EBF3: variants seen among roughly 807,000 people sequenced by gnomAD.
EBF3 encodes the protein transcription factor COE3.
In EBF3, 18 loss-of-function variants were observed where a neutral mutation model predicts 77.1. The ratio of observed to expected loss-of-function variants is 0.23; its 90% CI spans 0.16 to 0.35. The LOEUF is 0.35. Ranked by LOEUF, EBF3 falls within the 10% of genes least tolerant of loss-of-function variation. The pLI is 1.00. For synonymous variants in EBF3, 350 were observed against 343.5 expected (o/e 1.02, Z -0.21); for missense variants, 558 against 860.0 (o/e 0.65, Z 4.39).
intron 7 of EBF3, 87 bp downstream of exon 7, chr10:129,877,681 T>G: frequency 8.7e-7 from 1 of 1,149,512 alleles, no homozygotes; most frequent in Non-Finnish European, 1.3e-6. Context: ...AACTCAAGAT[T>G]ACTTCCTGAA....
intron 3 of EBF3, 120 bp from the exon 4 acceptor site, chr10:129,962,346 G>C (rs1348158941): frequency 7.1e-6 from 6 of 849,650 alleles, no homozygotes; most frequent in East Asian, 2.5e-5. Context: ...GCAGAACTTA[G>C]GCAATCCCTT....
intron 6 of EBF3, among the ~76,000 whole-genome samples, chr10:129,914,806 C>A (rs139476649): frequency 6.6e-5 from 10 of 152,304 alleles, no homozygotes; most frequent in African/African-American, 1.2e-4. Flanking sequence ...AGGCCCCCCA[C>A]CTTCTCCCTG....
chr10:129,928,809 G>A (rs1170748435), intron 6 of EBF3, among the ~76,000 whole-genome samples: 5 of 152,210 alleles, frequency 3.3e-5, no homozygotes, highest in African/African-American at 4.8e-5. Flanking sequence ...GATGAGCACT[G>A]CAATAATCAC....
intron 6 of EBF3, among the ~76,000 whole-genome samples, chr10:129,903,412 C>T (rs1030961448): frequency 2.6e-5 from 4 of 152,202 alleles, no homozygotes; most frequent in Admixed American, 2.0e-4. Flanking sequence ...TCTACCTGCT[C>T]TTTTTACCCA....
At chr10:129,878,682 A>AAAAAG (rs1180256397) in intron 6 of EBF3, among the ~76,000 whole-genome samples, 92 of 150,612 alleles carry the variant, frequency 6.1e-4, no homozygotes, top group Non-Finnish European at 1.0e-3. Flanking sequence ...AAAAAAAAAA[A>AAAAAG]AGAGTTACAG....
At chr10:129,876,659 T>TCATTCTG (rs1852791258) in intron 7 of EBF3, among the ~76,000 whole-genome samples, 1 of 152,224 alleles carries the variant, frequency 6.6e-6, no homozygotes, top group Admixed American at 6.5e-5. Flanking sequence ...CAAACAGGAA[T>TCATTCTG]CATTCTGCTC....
intron 10 of EBF3, among the ~76,000 whole-genome samples, chr10:129,855,488 G>A (rs892139335): frequency 2.0e-5 from 3 of 152,330 alleles, no homozygotes; most frequent in South Asian, 2.1e-4. Context: ...CCTGCAGCTC[G>A]GAAAACTAAG....
At chr10:129,948,938 T>C (rs1364584231) in intron 6 of EBF3, among the ~76,000 whole-genome samples, 1 of 152,180 alleles carries the variant, frequency 6.6e-6, no homozygotes, top group Non-Finnish European at 1.5e-5. Context: ...AAAGGACACC[T>C]GCATTAATCT....
intron 6 of EBF3, among the ~76,000 whole-genome samples, chr10:129,920,799 G>C (rs940956153): frequency 2.0e-5 from 3 of 152,344 alleles, no homozygotes; most frequent in Admixed American, 6.5e-5. Flanking sequence ...ATGATGGCTG[G>C]TGGTGCCCAG....
Position 129,877,653 on chromosome 10 carries a change from GC to G in EBF3, c.636+114del, listed in dbSNP as rs568021892. On this transcript the variant is annotated intron_variant, in intron 7 of 16. Transcript: ENST00000440978. ...TTATCAAATGCACCAATTCCAGTTT[GC>G]TTCCAAGCCCTTAAAGAACTCAAGA... is the stretch of plus-strand genomic sequence containing the variant. The G allele has an allele frequency of 4.1e-4, 323 of 784,288 alleles. 1 individual carries two copies. Among genetic ancestry groups the G allele is most frequent in the Non-Finnish European group, 6.0e-4 (288 of 477,798 alleles). 48.6% of individuals were successfully genotyped at this position (784,288 alleles called of 1,614,324 possible). A position where few individuals can be genotyped will look rare whatever the true frequency, so the allele number is the denominator to read the frequency against.
At chr10:129,940,823 C>T (rs1175441535) in intron 6 of EBF3, among the ~76,000 whole-genome samples, 1 of 152,150 alleles carries the variant, frequency 6.6e-6, no homozygotes, top group African/African-American at 2.4e-5. Flanking sequence ...GCAGAGGGCA[C>T]CGCCCACCCC....
chr10:129,906,404 C>T (rs1052769453), intron 6 of EBF3, among the ~76,000 whole-genome samples: 2 of 152,202 alleles, frequency 1.3e-5, no homozygotes, highest in Non-Finnish European at 2.9e-5. Context: ...CATTAAACTG[C>T]TGCAGATTCC....
intron 6 of EBF3, among the ~76,000 whole-genome samples, chr10:129,929,376 T>C (rs575222274): frequency 6.6e-6 from 1 of 152,070 alleles, no homozygotes; most frequent in African/African-American, 2.4e-5. Flanking sequence ...CAGGTAATTT[T>C]TGTAATTTTT....
rs370325840 is a variant in EBF3 at position 129,957,375 on chromosome 10, A to G, written c.486-49T>C. The G allele has an allele frequency of 3.2e-5, 46 of 1,449,608 alleles. No homozygotes were observed. The African/African-American group carries it at 6.4e-4, about 20-fold the overall frequency. 89.8% of individuals were successfully genotyped at this position (1,449,608 alleles called of 1,614,324 possible). On this transcript the variant is annotated intron_variant, in intron 5 of 16. Coordinates refer to ENST00000440978, the MANE Select transcript of EBF3 (RefSeq NM_001375380.1). Reference sequence around the variant, plus strand: ...GTTTTAATATGCATTTCCCCCTTTTATGCCCGACTTGTATTTTTTTTTTTT... The same window carrying G: ...GTTTTAATATGCATTTCCCCCTTTTGTGCCCGACTTGTATTTTTTTTTTTT...
intron 10 of EBF3, among the ~76,000 whole-genome samples, chr10:129,858,985 T>A (rs187716610): frequency 6.6e-6 from 1 of 152,322 alleles, no homozygotes; most frequent in East Asian, 1.9e-4. Flanking sequence ...CGGGAGCTTC[T>A]CTATTTAAAA....
intron 6 of EBF3, among the ~76,000 whole-genome samples, chr10:129,904,365 C>T (rs1381344281): frequency 6.6e-6 from 1 of 152,198 alleles, no homozygotes; most frequent in Admixed American, 6.5e-5. Flanking sequence ...TCCTGCCAAA[C>T]ATATTAAGGG....
Position 129,913,697 on chromosome 10 carries a change from C to T in EBF3, c.555-35848G>A, listed in dbSNP as rs186333970. Among the ~76,000 whole-genome samples, 413 of 152,328 alleles carry T rather than the reference C, an allele frequency of 2.7e-3. 1 individual carries two copies. Among genetic ancestry groups the T allele is most frequent in the African/African-American group, 9.5e-3 (394 of 41,590 alleles). On this transcript the variant is annotated intron_variant, in intron 6 of 16. Transcript: ENST00000440978. Reference sequence around the variant, plus strand: ...GGTGCTACGAATGCTAGATCACCACCGGTGAGGGGCCCAGGGGTCTGGCTG... The same window carrying T: ...GGTGCTACGAATGCTAGATCACCACTGGTGAGGGGCCCAGGGGTCTGGCTG...
At chr10:129,888,033 G>C (rs1017250030) in intron 6 of EBF3, among the ~76,000 whole-genome samples, 12 of 152,180 alleles carry the variant, frequency 7.9e-5, no homozygotes, top group African/African-American at 2.4e-4. Flanking sequence ...ACTATTGATA[G>C]GGTAAGCTGG....
chr10:129,891,664 G>A (rs957578941), intron 6 of EBF3, among the ~76,000 whole-genome samples: 1 of 152,258 alleles, frequency 6.6e-6, no homozygotes, highest in East Asian at 1.9e-4. Context: ...AGGGTCCCCA[G>A]CAGGCCGCGC....
Sources: gnomAD v4.1 joint callset for allele counts (sites outside exome capture counted in the v4.1 genomes callset) on GRCh38, gnomAD v4.1.1 for gene constraint, MANE v1.5 for transcripts, NCBI Gene and HGNC (gene_info 2026-07-23, HGNC 2026-07-21) for gene names.